Variants in UFL1 observed in about 807,000 individuals in gnomAD.
The protein encoded by UFL1 is UFM1 specific ligase 1.
Under a neutral mutation model 99.3 loss-of-function variants are expected in UFL1, and 78 were observed. That is an observed-to-expected ratio of 0.79 (90% confidence interval 0.65 to 0.95). UFL1 has a LOEUF of 0.95. Among genes scored for constraint, UFL1 ranks in the 40% least tolerant of loss-of-function variants. The probability of loss-of-function intolerance (pLI) is 0.00; values close to 1 mark genes in which losing one functional copy is unlikely to be tolerated. For missense variants in UFL1, 936 were observed against 937.0 expected (o/e 1.00, Z 0.01); for synonymous variants, 335 against 322.2 (o/e 1.04, Z -0.42).
chr6:96,554,493 TAA>T lies in UFL1; in HGVS notation c.*993_*994del, dbSNP rs1770127541. ...CTAAAGATTATTAGTTAAAAATAAC[TAA>T]AAGAGTTCCTTAGAGTAATCATTTC... On this transcript the variant is annotated 3_prime_UTR_variant, in exon 19 of 19. Coordinates refer to ENST00000369278, the MANE Select transcript of UFL1 (RefSeq NM_015323.5). 1.3e-5 allele frequency: 2 copies of T among 152,022 alleles called. No homozygotes were observed. Among genetic ancestry groups the T allele is most frequent in the Admixed American group, 6.6e-5 (1 of 15,252 alleles). 9.4% of individuals were successfully genotyped at this position (152,022 alleles called of 1,614,324 possible). A position where few individuals can be genotyped will look rare whatever the true frequency, so the allele number is the denominator to read the frequency against.
At position 96,523,250 on chromosome 6, in the gene UFL1, A is replaced by C. The variant is rs1425587857; in HGVS notation, c.182A>C (p.Gln61Pro). Residue 61 changes from glutamine to proline, a missense_variant, in exon 2 of 19, where the codon CAA becomes CCA. Transcript: ENST00000369278. ...LDGKEYITPA[Q>P]ISKEMRDELH... ...GGAAAGGAATATATTACTCCAGCCC[A>C]AATTAGTAAAGAAATGAGAGATGAG... 6.2e-7 allele frequency: 1 copy of C among 1,611,588 alleles called. No homozygotes were observed. The highest frequency in any genetic ancestry group is 8.5e-7 in the Non-Finnish European group (1 of 1,178,806).
At chr6:96,525,840 A>T (rs918197698) in intron 4 of UFL1, among the ~76,000 whole-genome samples, 1 of 152,110 alleles carries the variant, frequency 6.6e-6, no homozygotes, top group Non-Finnish European at 1.5e-5. Flanking sequence ...ATGTTAATGA[A>T]AATCAAATAC....
Position 96,542,999 on chromosome 6 carries a change from C to T in UFL1, c.1385C>T (p.Ser462Phe), listed in dbSNP as rs752952871. 4 of 1,595,418 alleles carry T rather than the reference C, an allele frequency of 2.5e-6. No homozygotes were observed. The highest frequency in any genetic ancestry group is 3.4e-6 in the Non-Finnish European group (4 of 1,170,540). ...GRKDDDSDDE[S>F]QSSHTGKKKP... ...AAAGATGATGATAGTGATGATGAAT[C>T]TCAATCATCCCACACTGGTAGGTAG... is the stretch of plus-strand genomic sequence containing the variant. Residue 462 changes from serine (S) to phenylalanine (F), a missense_variant, in exon 12 of 19, where the codon TCT (serine) becomes TTT (phenylalanine). Ser to Phe is a radical substitution (Grantham distance 155). Transcript: ENST00000369278.
chr6:96,552,627 C>CAGAT lies in UFL1; in HGVS notation c.2132_2135dup (p.Ile713AspfsTer6). On this transcript the variant is annotated frameshift_variant, in exon 18 of 19. Transcript: ENST00000369278. LOFTEE classifies it high-confidence loss of function. The stretch of plus-strand genomic sequence containing the variant: ...CCATGCACCTGGAAGATGTGTCCCA[C>CAGAT]AGATCATTGCTTTTCTTAATAGTAA... The CAGAT allele has an allele frequency of 6.2e-7, 1 of 1,602,630 alleles. No homozygotes were observed. Among genetic ancestry groups the CAGAT allele is most frequent in the Non-Finnish European group, 8.5e-7 (1 of 1,177,004 alleles).
Position 96,549,597 on chromosome 6 carries a change from A to G in UFL1, c.1687+19A>G. On this transcript the variant is annotated intron_variant, in intron 14 of 18. Coordinates refer to ENST00000369278, the MANE Select transcript of UFL1 (RefSeq NM_015323.5). ...TTTGCAGGTATACTTAATCTTTGTT[A>G]ATCTTGTTTTTTCATTGATTTTCAT... is the stretch of plus-strand genomic sequence containing the variant. The G allele has an allele frequency of 6.3e-7, 1 of 1,594,308 alleles. No individual in the cohort carries two copies. The highest frequency in any genetic ancestry group is 8.5e-7 in the Non-Finnish European group (1 of 1,172,336).
At chr6:96,534,382 C>A in intron 7 of UFL1, 61 bp downstream of exon 7, 3 of 1,228,680 alleles carry the variant, frequency 2.4e-6, no homozygotes, top group Non-Finnish European at 3.4e-6. Flanking sequence ...TAATGTAAAA[C>A]TTACTAACTT....
At chr6:96,528,278 A>G (rs1769730441) in intron 5 of UFL1, among the ~76,000 whole-genome samples, 1 of 152,188 alleles carries the variant, frequency 6.6e-6, no homozygotes, top group African/African-American at 2.4e-5. Context: ...TTAACATGTA[A>G]GCAAGCAATT....
chr6:96,524,087 T>C (rs1338053827), intron 2 of UFL1, among the ~76,000 whole-genome samples: 1 of 152,010 alleles, frequency 6.6e-6, no homozygotes, highest in African/African-American at 2.4e-5. Flanking sequence ...AAATTCTGAA[T>C]TGTGAAGGGA....
In UFL1 at chr6:96,528,631, C is replaced by G; in HGVS notation, c.595C>G (p.Arg199Gly). 6.2e-7 allele frequency: 1 copy of G among 1,609,048 alleles called. No homozygotes were observed. The highest frequency in any genetic ancestry group is 1.1e-5 in the South Asian group (1 of 90,064). ...CCGTGGACTATTCAGTGCTATTACC[C>G]GGTAAGTATATTTTAAAGTATATAT... Reference protein sequence around the residue: ...RIRGLFSAITRPTAVNSLISK... With the variant: ...RIRGLFSAITGPTAVNSLISK... Residue 199 changes from arginine (R) to glycine (G), a missense_variant and splice_region_variant, in exon 6 of 19, where the codon CGG becomes GGG. Coordinates refer to ENST00000369278, the MANE Select transcript of UFL1 (RefSeq NM_015323.5).
At chr6:96,540,494 C>T (rs780259497) in intron 10 of UFL1, 41 bp from the exon 11 acceptor site, 2 of 1,574,662 alleles carry the variant, frequency 1.3e-6, no homozygotes, top group Admixed American at 2.0e-5. Context: ...TTTGGAAATG[C>T]TATGTGTTTT....
At chr6:96,538,554 C>CAT in intron 9 of UFL1, 77 bp from the exon 10 acceptor site, 1 of 1,338,728 alleles carries the variant, frequency 7.5e-7, no homozygotes, top group Non-Finnish European at 1.0e-6. Flanking sequence ...CTAGAGAGAG[C>CAT]ATATATGTAT....
rs1770081758 is a variant in UFL1, at chr6:96,551,632, A to G, written c.1899+119A>G. The G allele has an allele frequency of 3.8e-6, 3 of 784,192 alleles. No homozygotes were observed. The Admixed American group carries it at 9.9e-5, about 26-fold the overall frequency. The allele number at this position is 784,192 out of a possible 1,614,324, so 48.6% of individuals were successfully genotyped here. On this transcript the variant is annotated intron_variant, in intron 16 of 18. Transcript: ENST00000369278. Reference sequence around the variant, plus strand: ...AATCTAAAACTAGTATTTTGCACTCAGCTGCCTCTTTGAAATGAGAAGAGA... The same window carrying G: ...AATCTAAAACTAGTATTTTGCACTCGGCTGCCTCTTTGAAATGAGAAGAGA...
intron 12 of UFL1, among the ~76,000 whole-genome samples, chr6:96,546,821 G>A (rs925498266): frequency 4.0e-5 from 6 of 150,964 alleles, no homozygotes; most frequent in African/African-American, 1.2e-4. Context: ...ATCCTATCTC[G>A]TCATACACAA....
In UFL1 at chr6:96,549,430, T is replaced by C. The variant is rs544764552; in HGVS notation, c.1539T>C (p.Tyr513=). The C allele has an allele frequency of 1.3e-6, 2 of 1,596,208 alleles. No homozygotes were observed. The highest frequency in any genetic ancestry group is 2.2e-5 in the East Asian group (1 of 44,760). The change falls in exon 14 of 19, where the codon TAT becomes TAC. Residue 513 remains tyrosine (Y), a synonymous_variant. Coordinates refer to ENST00000369278, the MANE Select transcript of UFL1 (RefSeq NM_015323.5). ...EYLIKPLNKT[Y]LEVVRSVFMS... ...TGCACAGACCTCTTAATAAAACTTA[T>C]CTCGAGGTGGTACGTTCAGTATTCA...
chr6:96,540,047 A>T (rs1330035832), intron 10 of UFL1, among the ~76,000 whole-genome samples: 1 of 143,140 alleles, frequency 7.0e-6, no homozygotes, highest in Admixed American at 6.8e-5. Context: ...AGCAGAAATT[A>T]TCAAGAATGA....
intron 2 of UFL1, among the ~76,000 whole-genome samples, chr6:96,523,921 A>G (rs1031096601): frequency 3.3e-5 from 5 of 152,062 alleles, no homozygotes; most frequent in South Asian, 4.2e-4. Flanking sequence ...TTATTTATCT[A>G]TTTTCCTTCA....
At chr6:96,522,509 G>T (rs1451087635) in intron 1 of UFL1, among the ~76,000 whole-genome samples, 1 of 152,152 alleles carries the variant, frequency 6.6e-6, no homozygotes, top group African/African-American at 2.4e-5. Flanking sequence ...GTCCAGAGGA[G>T]CCTAACTCTG....
chr6:96,539,230 A>G (rs963297269), intron 10 of UFL1, among the ~76,000 whole-genome samples: 1 of 151,626 alleles, frequency 6.6e-6, no homozygotes, highest in African/African-American at 2.4e-5. Flanking sequence ...AGACAGGGTA[A>G]ATTACTGAAG....
rs750921097 is a variant in UFL1 at position 96,528,564 on chromosome 6, A to T, written c.528A>T (p.Val176=). The change falls in exon 6 of 19, where the codon GTA becomes GTT. Residue 176 remains valine, a synonymous_variant. Transcript: ENST00000369278. The part of the protein sequence containing the change: ...SGHIDLDNRG[V]IFTEAFVARH... ...ATATTGATCTTGATAATAGAGGAGT[A>T]ATTTTTACGGAAGCTTTTGTAGCTC... The T allele has an allele frequency of 6.2e-7, 1 of 1,613,940 alleles. No homozygotes were observed. The highest frequency in any genetic ancestry group is 8.5e-7 in the Non-Finnish European group (1 of 1,179,872).
Sources: gnomAD v4.1 joint callset for allele counts (sites outside exome capture counted in the v4.1 genomes callset) on GRCh38, gnomAD v4.1.1 for gene constraint, MANE v1.5 for transcripts, NCBI Gene and HGNC (gene_info 2026-07-23, HGNC 2026-07-21) for gene names.